ABCC4: variants seen among roughly 807,000 people sequenced by gnomAD.
The protein encoded by ABCC4 is ATP-binding cassette sub-family C member 4.
In ABCC4, 102 loss-of-function variants were observed where a neutral mutation model predicts 168.5. The ratio of observed to expected loss-of-function variants is 0.61; its 90% CI spans 0.52 to 0.71. ABCC4 has a LOEUF of 0.71. Among genes scored for constraint, ABCC4 ranks in the 30% least tolerant of loss-of-function variants. ABCC4 has a pLI of 0.00. For synonymous variants in ABCC4, 617 were observed against 590.7 expected (o/e 1.04, Z -0.65); for missense variants, 1,402 against 1,605.8 (o/e 0.87, Z 2.17).
chr13:95,265,089 G>A (rs947870923), intron 1 of ABCC4, among the ~76,000 whole-genome samples: 3 of 151,956 alleles, frequency 2.0e-5, no homozygotes, highest in African/African-American at 7.3e-5. Context: ...GGCTGGTCTC[G>A]AACTCCTGAC....
chr13:95,293,533 C>T (rs796880168), intron 1 of ABCC4, among the ~76,000 whole-genome samples: 6 of 151,540 alleles, frequency 4.0e-5, no homozygotes, highest in African/African-American at 1.4e-4. Context: ...GTGGCGTGAT[C>T]TTGGCTCACT....
chr13:95,218,980 AG>A (rs879892272), intron 4 of ABCC4, among the ~76,000 whole-genome samples: 2,480 of 43,256 alleles, frequency 0.057, 237 homozygotes, highest in African/African-American at 0.16. Context: ...AAAGAAAGAA[AG>A]AAAGAGTGAG....
chr13:95,143,734 C>T (rs547320190), intron 19 of ABCC4, among the ~76,000 whole-genome samples: 15 of 152,072 alleles, frequency 9.9e-5, no homozygotes, highest in African/African-American at 2.2e-4. Flanking sequence ...AACATATGAC[C>T]GGTTAAAAAA....
intron 19 of ABCC4, among the ~76,000 whole-genome samples, chr13:95,148,591 AACACACACACACACACACACAC>A (rs55998383): frequency 2.1e-4 from 27 of 129,790 alleles, no homozygotes; most frequent in African/African-American, 7.4e-4. Flanking sequence ...TACCCATCAC[AACACACACACACACACACACAC>A]ACACACACAC....
At chr13:95,168,825 G>A (rs2037372745) in intron 14 of ABCC4, among the ~76,000 whole-genome samples, 1 of 152,172 alleles carries the variant, frequency 6.6e-6, no homozygotes, top group South Asian at 2.1e-4. Flanking sequence ...GCTCTTATAG[G>A]TTGAATGGTG....
At chr13:95,127,532 C>T (rs1029201902) in intron 19 of ABCC4, among the ~76,000 whole-genome samples, 1 of 152,206 alleles carries the variant, frequency 6.6e-6, no homozygotes, top group African/African-American at 2.4e-5. Context: ...CCCGCTTTGG[C>T]CTCCCAAAGT....
At chr13:95,260,293 C>T (rs562898854) in intron 1 of ABCC4, among the ~76,000 whole-genome samples, 15 of 152,176 alleles carry the variant, frequency 9.9e-5, no homozygotes, top group East Asian at 9.6e-4. Flanking sequence ...TTTTGTTTTT[C>T]GGTAAACTTC....
chr13:95,146,279 G>C (rs1211470218), intron 19 of ABCC4, among the ~76,000 whole-genome samples: 2 of 151,824 alleles, frequency 1.3e-5, no homozygotes, highest in Middle Eastern at 3.4e-3. Context: ...GGAGGGCAAG[G>C]ATCAAAAAAT....
At position 95,301,434 on chromosome 13, in the gene ABCC4, G is replaced by T. The variant is rs1314933987; in HGVS notation, c.-120C>A. On this transcript the variant is annotated 5_prime_UTR_variant, in exon 1 of 31. Coordinates refer to ENST00000645237, the MANE Select transcript of ABCC4 (RefSeq NM_005845.5). The stretch of plus-strand genomic sequence containing the variant: ...CTCCGGCCGCCACGCCTGTCCGCTC[G>T]GCTGGAGCCTGTGAAGCAGCCGCTT... 1 of 809,084 alleles carries T rather than the reference G, an allele frequency of 1.2e-6. No individual in the cohort carries two copies. Among genetic ancestry groups the T allele is most frequent in the Non-Finnish European group, 1.7e-6 (1 of 575,204 alleles). 50.1% of individuals were successfully genotyped at this position (809,084 alleles called of 1,614,324 possible). A position where few individuals can be genotyped will look rare whatever the true frequency, so the allele number is the denominator to read the frequency against.
chr13:95,065,895 A>G (rs2033520181), intron 25 of ABCC4, among the ~76,000 whole-genome samples: 1 of 152,212 alleles, frequency 6.6e-6, no homozygotes, highest in African/African-American at 2.4e-5. Flanking sequence ...AGCAGTACAT[A>G]AAATCAATTG....
At position 95,255,633 on chromosome 13, in the gene ABCC4, T is replaced by C. The variant is rs369023125; in HGVS notation, c.75-7880A>G. ...TTATTTTTCCTCTAACGTTCCTCCC[T>C]TCCTAAAACACGCTCAAAGCCCATT... On this transcript the variant is annotated intron_variant, in intron 1 of 30. Coordinates refer to ENST00000645237, the MANE Select transcript of ABCC4 (RefSeq NM_005845.5). 8.5e-5 allele frequency among the ~76,000 whole-genome samples: 13 copies of C among 152,198 alleles called. No individual in the cohort carries two copies. The East Asian group carries it at 2.3e-3, about 27-fold the overall frequency.
intron 3 of ABCC4, among the ~76,000 whole-genome samples, chr13:95,240,074 G>C (rs1005627933): frequency 6.6e-6 from 1 of 152,118 alleles, no homozygotes; most frequent in East Asian, 1.9e-4. Flanking sequence ...AATAAAACCT[G>C]AATCACATCA....
intron 4 of ABCC4, among the ~76,000 whole-genome samples, chr13:95,226,010 A>G (rs2039455699): frequency 6.7e-6 from 1 of 149,870 alleles, no homozygotes; most frequent in African/African-American, 2.4e-5. Flanking sequence ...AAAGATGTAG[A>G]TAACTGAGGA....
At chr13:95,218,945 G>GA (rs1438871287) in intron 4 of ABCC4, among the ~76,000 whole-genome samples, 510 of 30,716 alleles carry the variant, frequency 0.017, 33 homozygotes, top group African/African-American at 0.081. Context: ...AAGAAAGAAA[G>GA]AAAGAAAGAA....
intron 4 of ABCC4, among the ~76,000 whole-genome samples, chr13:95,224,225 T>C (rs1280731182): frequency 7.0e-6 from 1 of 142,918 alleles, no homozygotes; most frequent in East Asian, 2.0e-4. Context: ...AAGAGAAACA[T>C]TACAAACAAG....
At chr13:95,126,821 A>ATATT (rs2035795722) in intron 19 of ABCC4, among the ~76,000 whole-genome samples, 4 of 146,474 alleles carry the variant, frequency 2.7e-5, no homozygotes, top group Non-Finnish European at 1.5e-5. Flanking sequence ...TACACCATAT[A>ATATT]TATTTATATA....
intron 1 of ABCC4, among the ~76,000 whole-genome samples, chr13:95,252,125 G>GCAAGTA (rs1172100134): frequency 1.3e-5 from 2 of 151,888 alleles, no homozygotes; most frequent in African/African-American, 2.4e-5. Flanking sequence ...CCCCCAAAGA[G>GCAAGTA]CAAGTACAAG....
intron 30 of ABCC4, among the ~76,000 whole-genome samples, chr13:95,024,215 A>C (rs1289658103): frequency 6.6e-5 from 10 of 151,468 alleles, no homozygotes; most frequent in South Asian, 2.1e-4. Flanking sequence ...TCAAAAAAAA[A>C]AAAAAAAAAA....
intron 11 of ABCC4, among the ~76,000 whole-genome samples, chr13:95,185,474 A>G (rs1464211375): frequency 6.6e-6 from 1 of 152,160 alleles, no homozygotes; most frequent in Non-Finnish European, 1.5e-5. Context: ...AGCAAATACT[A>G]CTCACCTGAT....
Sources: allele counts gnomAD v4.1 joint callset (sites outside exome capture counted in the v4.1 genomes callset), GRCh38; gene constraint gnomAD v4.1.1; transcripts MANE v1.5; gene names NCBI Gene and HGNC (gene_info 2026-07-23, HGNC 2026-07-21).